CACNA2D1: variants seen among roughly 807,000 people sequenced by gnomAD.
CACNA2D1 encodes voltage-dependent calcium channel subunit alpha-2/delta-1.
Under a neutral mutation model 171.5 loss-of-function variants are expected in CACNA2D1, and 53 were observed. The observed-to-expected ratio is 0.31, with a 90% confidence interval of 0.25 to 0.39. CACNA2D1 has a LOEUF of 0.39. Ranked by LOEUF, CACNA2D1 falls within the 10% of genes least tolerant of loss-of-function variation. The pLI is 1.00. For synonymous variants in CACNA2D1, 442 were observed against 443.1 expected, an observed-to-expected ratio of 1.00 and a Z score of 0.03; for missense variants, 903 against 1,299.8, an observed-to-expected ratio of 0.69 and a Z score of 4.69.
intron 3 of CACNA2D1, among the ~76,000 whole-genome samples, chr7:82,290,699 C>T (rs897686351): frequency 6.6e-6 from 1 of 151,320 alleles, no homozygotes; most frequent in African/African-American, 2.4e-5. Context: ...TAGGTTTAAG[C>T]GATGCTCATG....
rs78086631 is a variant in CACNA2D1 at position 81,971,792 on chromosome 7, C to T, written c.2126G>A (p.Ser709Asn). The part of the protein sequence containing the change: ...FTNELVQNYW[S>N]KQKNIKGVKA... Reference sequence around the variant, plus strand: ...AAATACTTACATATTTTTCTGCTTACTCCAGTAATTTTGGACAAGTTCATT... The same window carrying T: ...AAATACTTACATATTTTTCTGCTTATTCCAGTAATTTTGGACAAGTTCATT... Residue 709 changes from serine to asparagine, a missense_variant, in exon 26 of 39, where the codon AGT becomes AAT. Physicochemically the swap from Ser to Asn is conservative, Grantham distance 46 (BLOSUM62 1). Transcript: ENST00000356860. 5,270 of 1,588,146 alleles carry T rather than the reference C, an allele frequency of 3.3e-3. 13 individuals carry two copies. Among genetic ancestry groups the T allele is most frequent in the Non-Finnish European group, 4.0e-3 (4,594 of 1,157,300 alleles).
At chr7:82,090,424 A>G (rs529806943) in intron 6 of CACNA2D1, among the ~76,000 whole-genome samples, 1 of 152,258 alleles carries the variant, frequency 6.6e-6, no homozygotes, top group Admixed American at 6.5e-5. Flanking sequence ...ACAATACCAA[A>G]TATCATACAG....
chr7:82,020,044 G>C (rs1800997077), intron 12 of CACNA2D1, among the ~76,000 whole-genome samples: 1 of 152,052 alleles, frequency 6.6e-6, no homozygotes, highest in African/African-American at 2.4e-5. Flanking sequence ...CAGTTTTATA[G>C]CATTATGTAA....
intron 4 of CACNA2D1, among the ~76,000 whole-genome samples, chr7:82,163,439 G>T (rs1042776501): frequency 6.6e-6 from 1 of 151,946 alleles, no homozygotes; most frequent in African/African-American, 2.4e-5. Flanking sequence ...GAGGTCAATT[G>T]ATTATCATTT....
intron 29 of CACNA2D1, among the ~76,000 whole-genome samples, chr7:81,968,449 A>G (rs1794934590): frequency 1.3e-5 from 2 of 151,550 alleles, no homozygotes; most frequent in Middle Eastern, 3.4e-3. Flanking sequence ...ACAGACGCCT[A>G]CTAGAATATA....
chr7:82,380,355 CAT>C (rs1345834449), intron 1 of CACNA2D1, among the ~76,000 whole-genome samples: 1 of 152,060 alleles, frequency 6.6e-6, no homozygotes, highest in African/African-American at 2.4e-5. Flanking sequence ...AGAGTCTAGA[CAT>C]AGAGGAAAAA....
chr7:82,339,636 C>A (rs1476751184), intron 2 of CACNA2D1, among the ~76,000 whole-genome samples: 2 of 152,118 alleles, frequency 1.3e-5, no homozygotes, highest in Non-Finnish European at 2.9e-5. Context: ...ACGCACTGAG[C>A]CAATCAGATG....
chr7:82,122,299 A>T (rs1178269516), intron 5 of CACNA2D1, among the ~76,000 whole-genome samples: 1 of 152,248 alleles, frequency 6.6e-6, no homozygotes, highest in Non-Finnish European at 1.5e-5. Flanking sequence ...TTTAAAAGAC[A>T]AAATTGACAT....
At chr7:82,312,105 T>C (rs376103549) in intron 3 of CACNA2D1, among the ~76,000 whole-genome samples, 3 of 152,216 alleles carry the variant, frequency 2.0e-5, no homozygotes, top group African/African-American at 7.2e-5. Context: ...ACTTATGGCC[T>C]ATATGACTAA....
intron 4 of CACNA2D1, among the ~76,000 whole-genome samples, chr7:82,150,419 C>T (rs1219891063): frequency 9.6e-6 from 1 of 104,546 alleles, no homozygotes. Flanking sequence ...CAAAGCTTTC[C>T]CTTAAAAAAA....
At chr7:82,033,389 A>C (rs1229629698) in intron 11 of CACNA2D1, among the ~76,000 whole-genome samples, 1 of 152,062 alleles carries the variant, frequency 6.6e-6, no homozygotes, top group East Asian at 1.9e-4. Flanking sequence ...GTAGTTTATT[A>C]AAAAAATGAG....
intron 3 of CACNA2D1, among the ~76,000 whole-genome samples, chr7:82,253,587 A>G (rs982551067): frequency 1.3e-5 from 2 of 151,994 alleles, no homozygotes; most frequent in African/African-American, 4.9e-5. Flanking sequence ...GAATCTGAGA[A>G]GTCTTGAGAT....
At position 81,947,180 on chromosome 7, in the gene CACNA2D1, C is replaced by G. The variant is rs1054956491; in HGVS notation, c.*3212G>C. The G allele has an allele frequency of 6.6e-6, 1 of 151,818 alleles. No homozygotes were observed. The highest frequency in any genetic ancestry group is 1.5e-5 in the Non-Finnish European group (1 of 67,868). The allele number at this position is 151,818 out of a possible 1,614,324, so 9.4% of individuals were successfully genotyped here. ...AAAGATTTAAATGAGATTTAAAATACAAGAGAGCATCAAATAAGCAAGTAA... is the reference window on the plus strand; with the variant it reads ...AAAGATTTAAATGAGATTTAAAATAGAAGAGAGCATCAAATAAGCAAGTAA... On this transcript the variant is annotated 3_prime_UTR_variant, in exon 39 of 39. Transcript: ENST00000356860.
chr7:82,384,947 T>A (rs1824163715), intron 1 of CACNA2D1, among the ~76,000 whole-genome samples: 1 of 152,228 alleles, frequency 6.6e-6, no homozygotes, highest in Non-Finnish European at 1.5e-5. Context: ...GGAGCATAAA[T>A]CACATTAATG....
intron 1 of CACNA2D1, among the ~76,000 whole-genome samples, chr7:82,354,570 T>C (rs967390573): frequency 1.3e-5 from 2 of 152,196 alleles, no homozygotes; most frequent in Non-Finnish European, 2.9e-5. Flanking sequence ...CTGCTCTCTA[T>C]TTCCTTTGTA....
chr7:82,128,617 C>T (rs574100812), intron 5 of CACNA2D1, among the ~76,000 whole-genome samples: 18 of 152,254 alleles, frequency 1.2e-4, no homozygotes, highest in Non-Finnish European at 2.1e-4. Flanking sequence ...CAATAGATTA[C>T]ACTCGAATGT....
intron 34 of CACNA2D1, among the ~76,000 whole-genome samples, chr7:81,963,091 G>A (rs939516035): frequency 1.3e-5 from 2 of 151,848 alleles, no homozygotes; most frequent in Non-Finnish European, 2.9e-5. Context: ...GGTGGGAGGG[G>A]ATATAGGATA....
intron 1 of CACNA2D1, among the ~76,000 whole-genome samples, chr7:82,375,675 T>C (rs1563452342): frequency 6.6e-6 from 1 of 152,222 alleles, no homozygotes; most frequent in Non-Finnish European, 1.5e-5. Flanking sequence ...GTGTGTATTT[T>C]CTCCTCCATA....
intron 11 of CACNA2D1, among the ~76,000 whole-genome samples, chr7:82,035,506 C>T (rs1258179957): frequency 6.6e-6 from 1 of 152,016 alleles, no homozygotes; most frequent in Non-Finnish European, 1.5e-5. Context: ...CAACTGGGAC[C>T]ATATTTTAAA....
Sources: gnomAD v4.1 joint callset for allele counts (sites outside exome capture counted in the v4.1 genomes callset) on GRCh38, gnomAD v4.1.1 for gene constraint, MANE v1.5 for transcripts, NCBI Gene and HGNC (gene_info 2026-07-23, HGNC 2026-07-21) for gene names.